The following MICAL2 variants were observed in gnomAD, a reference collection of about 807,000 sequenced individuals.
The protein encoded by MICAL2 is microtubule associated monooxygenase, calponin and LIM domain containing 2.
In MICAL2, 77 loss-of-function variants were observed where a neutral mutation model predicts 127.3. That is an observed-to-expected ratio of 0.60 (90% CI 0.50 to 0.73). The LOEUF (loss-of-function observed/expected upper bound fraction) is 0.73. Among genes scored for constraint, MICAL2 ranks in the 30% least tolerant of loss-of-function variants. MICAL2 has a pLI of 0.00. For missense variants in MICAL2, 1,351 were observed against 1,434.4 expected (o/e 0.94, Z 0.94); for synonymous variants, 570 against 551.1 (o/e 1.03, Z -0.48).
intron 10 of MICAL2, 31 bp downstream of exon 10, chr11:12,221,790 G>A (rs1430995356): frequency 4.4e-6 from 7 of 1,579,968 alleles, no homozygotes; most frequent in Non-Finnish European, 3.5e-6. Context: ...TCCTAACTGG[G>A]GGGCAGGGCA....
At chr11:12,304,401 C>T (rs566809140) in intron 29 of MICAL2, among the ~76,000 whole-genome samples, 16 of 152,202 alleles carry the variant, frequency 1.1e-4, no homozygotes, top group Admixed American at 7.9e-4. Context: ...GAGGCTGAGG[C>T]GGGCAGATCA....
chr11:12,338,383 A>G (rs1463789444), intron 32 of MICAL2, among the ~76,000 whole-genome samples: 2 of 152,188 alleles, frequency 1.3e-5, no homozygotes, highest in Non-Finnish European at 2.9e-5. Flanking sequence ...AATACAGCAC[A>G]CTGATGGGTC....
chr11:12,304,659 C>T (rs71465778), intron 29 of MICAL2, among the ~76,000 whole-genome samples: 41,450 of 147,142 alleles, frequency 0.28, 6,947 homozygotes, highest in Non-Finnish European at 0.38. Flanking sequence ...CACACACACA[C>T]ACACACACAC....
At chr11:12,239,965 T>G (rs1384918809) in intron 17 of MICAL2, among the ~76,000 whole-genome samples, 1 of 152,266 alleles carries the variant, frequency 6.6e-6, no homozygotes, top group East Asian at 1.9e-4. Context: ...AATTTGGTTT[T>G]GCTTTCCAAC....
Position 12,213,419 on chromosome 11 carries a change from T to G in MICAL2, c.847+9T>G. On this transcript the variant is annotated intron_variant, in intron 7 of 27. Coordinates refer to ENST00000683283, the MANE Select transcript of MICAL2 (RefSeq NM_001282663.2). Reference sequence around the variant, plus strand: ...CCTTAAAGAAGAAACAGGTGGGACCTTCACCTTTCTCCCAACCAGGCCAAG... The same window carrying G: ...CCTTAAAGAAGAAACAGGTGGGACCGTCACCTTTCTCCCAACCAGGCCAAG... The G allele has an allele frequency of 6.2e-7, 1 of 1,610,694 alleles. No homozygotes were observed. Among genetic ancestry groups the G allele is most frequent in the Non-Finnish European group, 8.5e-7 (1 of 1,178,072 alleles).
chr11:12,344,975 T>C (rs530190850), intron 32 of MICAL2, among the ~76,000 whole-genome samples: 1 of 150,766 alleles, frequency 6.6e-6, no homozygotes, highest in African/African-American at 2.4e-5. Flanking sequence ...TAGCTGGTGT[T>C]GTGGTGGGCG....
At position 12,287,122 on chromosome 11, in the gene MICAL2, A is replaced by AC; in HGVS notation, c.294dup (p.Ser100LysfsTer14). 1 of 398,864 alleles carries AC rather than the reference A, an allele frequency of 2.5e-6. No individual in the cohort carries two copies. The highest frequency in any genetic ancestry group is 4.4e-5 in the Admixed American group (1 of 22,704). 24.7% of individuals were successfully genotyped at this position (398,864 alleles called of 1,614,324 possible). On this transcript the variant is annotated frameshift_variant, in exon 3 of 3. Transcript: ENST00000529028. LOFTEE classifies it low-confidence loss of function (END_TRUNC). The stretch of plus-strand genomic sequence containing the variant: ...ACGGGCCAATAGCTTCCAGTCTCCA[A>AC]CCCCAAGCAAATACCAGAACTGGAG...
chr11:12,146,110 C>T (rs1040963951), intron 2 of MICAL2, among the ~76,000 whole-genome samples: 5 of 152,086 alleles, frequency 3.3e-5, no homozygotes, highest in African/African-American at 1.2e-4. Context: ...ACCATAAAAA[C>T]CCTAGAAGAA....
chr11:12,254,259 C>T (rs1364659374), intron 22 of MICAL2: 1 of 152,270 alleles, frequency 6.6e-6, no homozygotes, highest in African/African-American at 2.4e-5. Flanking sequence ...ATAGGACACA[C>T]ATTCTCTCGT....
At chr11:12,193,813 T>C (rs113708479) in intron 3 of MICAL2, among the ~76,000 whole-genome samples, 1 of 152,198 alleles carries the variant, frequency 6.6e-6, no homozygotes, top group African/African-American at 2.4e-5. Flanking sequence ...GCATTTCATG[T>C]CTTGGTTTTG....
chr11:12,261,882 C>G (rs1381220832), intron 26 of MICAL2: 5 of 985,834 alleles, frequency 5.1e-6, no homozygotes, highest in Non-Finnish European at 6.0e-6. Context: ...ACCCTTGATT[C>G]CTTTTGTTTG....
At chr11:12,268,460 G>A (rs574591257), downstream of MICAL2, among the ~76,000 whole-genome samples, 5 of 152,308 alleles carry the variant, frequency 3.3e-5, no homozygotes, top group South Asian at 2.1e-4. Flanking sequence ...CTTGCTCTGG[G>A]GTCCTGACAC....
intron 6 of MICAL2, among the ~76,000 whole-genome samples, chr11:12,211,137 T>G (rs1167863727): frequency 1.3e-5 from 2 of 152,154 alleles, no homozygotes; most frequent in East Asian, 1.9e-4. Flanking sequence ...CCCAGCACTT[T>G]GGGAGGCTGA....
downstream of MICAL2, among the ~76,000 whole-genome samples, chr11:12,296,789 A>T (rs10734192): frequency 2.0e-5 from 3 of 151,784 alleles, no homozygotes; most frequent in African/African-American, 7.3e-5. Flanking sequence ...TTTTTTTAAC[A>T]CAAATGATAG....
intron 3 of MICAL2, among the ~76,000 whole-genome samples, chr11:12,170,938 G>C (rs78117808): frequency 2.0e-5 from 3 of 152,218 alleles, no homozygotes; most frequent in African/African-American, 4.8e-5. Flanking sequence ...ATAGAGGAGC[G>C]AACTCTGTGG....
intron 29 of MICAL2, among the ~76,000 whole-genome samples, chr11:12,302,697 C>G (rs1864060877): frequency 6.6e-6 from 1 of 151,726 alleles, no homozygotes; most frequent in Non-Finnish European, 1.5e-5. Flanking sequence ...GACAGTGTCT[C>G]TAATAAAAGC....
At chr11:12,283,936 C>T (rs1033191446) in intron 2 of MICAL2, among the ~76,000 whole-genome samples, 1 of 152,192 alleles carries the variant, frequency 6.6e-6, no homozygotes, top group African/African-American at 2.4e-5. Context: ...CCCAGGTTCT[C>T]ACCATCAGAA....
chr11:12,298,618 G>C (rs1038826375), intron 29 of MICAL2, among the ~76,000 whole-genome samples: 7 of 152,090 alleles, frequency 4.6e-5, no homozygotes, highest in Non-Finnish European at 1.0e-4. Context: ...ATGGTAACTG[G>C]CTTCTGGGTT....
At chr11:12,164,813 G>A (rs1855278642) in intron 3 of MICAL2, among the ~76,000 whole-genome samples, 2 of 152,166 alleles carry the variant, frequency 1.3e-5, no homozygotes, top group Admixed American at 1.3e-4. Flanking sequence ...AAATCCCCAA[G>A]GATGTGGGAG....
Sources: allele counts gnomAD v4.1 joint callset (sites outside exome capture counted in the v4.1 genomes callset), GRCh38; gene constraint gnomAD v4.1.1; transcripts MANE v1.5; gene names NCBI Gene and HGNC (gene_info 2026-07-23, HGNC 2026-07-21).